TNS3: variants seen among roughly 807,000 people sequenced by gnomAD.
TNS3 encodes tensin 3.
In TNS3, 45 loss-of-function variants were observed where a neutral mutation model predicts 140.9. That is an observed-to-expected ratio of 0.32 (90% CI 0.25 to 0.41). The LOEUF (loss-of-function observed/expected upper bound fraction) is 0.41, where lower values mean the gene tolerates loss of function less well. Among genes scored for constraint, TNS3 ranks in the 10% least tolerant of loss-of-function variants. The pLI, the probability that TNS3 is intolerant of heterozygous loss-of-function variation, is 1.00. For synonymous variants in TNS3, 815 were observed against 788.4 expected, an observed-to-expected ratio of 1.03 and a Z score of -0.56; for missense variants, 1,716 against 1,906.7, an observed-to-expected ratio of 0.90 and a Z score of 1.86.
chr7:47,368,816 C>G lies in TNS3; in HGVS notation c.1830G>C (p.Arg610=), dbSNP rs767099289. 25 of 1,611,524 alleles carry G rather than the reference C, an allele frequency of 1.6e-5. No individual in the cohort carries two copies. The highest frequency in any genetic ancestry group is 2.1e-5 in the Non-Finnish European group (25 of 1,179,260). Residue 610 remains arginine, a synonymous_variant, in exon 17 of 31, where the codon CGG becomes CGC. Transcript: ENST00000311160. ...QYSFAPDGEA[R]LVSRCPADNP... ...TGTCTGCAGGGCAGCGGCTCACCAG[C>G]CGGGCCTCCCCATCTGGGGCGAAGC... is the stretch of plus-strand genomic sequence containing the variant.
At chr7:47,561,690 A>C (rs181639479) in intron 1 of TNS3, among the ~76,000 whole-genome samples, 1 of 152,316 alleles carries the variant, frequency 6.6e-6, no homozygotes. Context: ...TTTTAGAATG[A>C]AAAACATGGC....
intron 16 of TNS3, among the ~76,000 whole-genome samples, chr7:47,392,058 C>A (rs1262839824): frequency 6.6e-6 from 1 of 152,220 alleles, no homozygotes; most frequent in Non-Finnish European, 1.5e-5. Context: ...AATGGGCTCA[C>A]AGGCTCTCTC....
chr7:47,283,661 C>T (rs920443182), intron 28 of TNS3, 36 bp downstream of exon 28: 5 of 1,508,696 alleles, frequency 3.3e-6, no homozygotes, highest in Admixed American at 4.4e-5. Context: ...AGCCCCGCCC[C>T]TGCTGGACGG....
chr7:47,286,432 A>T (rs1246113502), intron 27 of TNS3, among the ~76,000 whole-genome samples: 1 of 152,224 alleles, frequency 6.6e-6, no homozygotes, highest in Non-Finnish European at 1.5e-5. Flanking sequence ...TCTCCAGCAG[A>T]GAACAGGCAT....
Position 47,303,592 on chromosome 7 carries a change from A to G in TNS3, c.2823-8T>C. The G allele has an allele frequency of 6.3e-7, 1 of 1,580,624 alleles. No individual in the cohort carries two copies. The highest frequency in any genetic ancestry group is 8.6e-7 in the Non-Finnish European group (1 of 1,169,440). On this transcript the variant is annotated splice_polypyrimidine_tract_variant and splice_region_variant and intron_variant, in intron 21 of 30. Coordinates refer to ENST00000311160, the MANE Select transcript of TNS3 (RefSeq NM_022748.12). The stretch of plus-strand genomic sequence containing the variant: ...CGTTCTGCAGAAGAGGAGCTGTTCA[A>G]AAGACAAGCCGACCAAGACAGCATG...
chr7:47,351,165 A>G (rs1331837675), intron 17 of TNS3, among the ~76,000 whole-genome samples: 1 of 152,146 alleles, frequency 6.6e-6, no homozygotes, highest in African/African-American at 2.4e-5. Flanking sequence ...GCTGTACTGA[A>G]TTTCCCTAAA....
intron 13 of TNS3, among the ~76,000 whole-genome samples, chr7:47,404,033 C>T (rs565207821): frequency 5.2e-4 from 79 of 152,324 alleles, no homozygotes; most frequent in Non-Finnish European, 8.7e-4. Context: ...TGGGTCTCCC[C>T]AGAGTGTTTC....
intron 12 of TNS3, among the ~76,000 whole-genome samples, chr7:47,413,494 C>T (rs903844714): frequency 6.6e-5 from 10 of 151,686 alleles, no homozygotes; most frequent in Admixed American, 5.9e-4. Context: ...AATCCTGGCA[C>T]TTTGGGAGGC....
intron 22 of TNS3, among the ~76,000 whole-genome samples, chr7:47,302,537 G>A (rs1287514101): frequency 6.6e-6 from 1 of 152,224 alleles, no homozygotes; most frequent in East Asian, 1.9e-4. Context: ...AGGAAAGAGA[G>A]GGTAAGGTTG....
At chr7:47,481,175 G>C (rs1797402358) in intron 3 of TNS3, 34 bp from the exon 4 acceptor site, 15 of 1,287,554 alleles carry the variant, frequency 1.2e-5, no homozygotes, top group Non-Finnish European at 1.5e-5. Flanking sequence ...TAAGCAAATG[G>C]ATTCTCCAGG....
At chr7:47,555,584 TATC>T (rs1800175231) in intron 1 of TNS3, among the ~76,000 whole-genome samples, 1 of 152,160 alleles carries the variant, frequency 6.6e-6, no homozygotes, top group African/African-American at 2.4e-5. Flanking sequence ...TGGCAAACTT[TATC>T]ATCGTCTTAT....
intron 10 of TNS3, among the ~76,000 whole-genome samples, chr7:47,416,521 C>A (rs998138085): frequency 7.9e-5 from 12 of 152,102 alleles, no homozygotes; most frequent in African/African-American, 2.7e-4. Context: ...AGAAACAGGG[C>A]ATGTCAGTAT....
intron 8 of TNS3, among the ~76,000 whole-genome samples, chr7:47,433,523 T>G (rs1387484398): frequency 6.6e-6 from 1 of 152,234 alleles, no homozygotes; most frequent in Non-Finnish European, 1.5e-5. Flanking sequence ...AGGACCCATA[T>G]GTTTTAAATA....
intron 27 of TNS3, among the ~76,000 whole-genome samples, chr7:47,291,388 T>A (rs1315559040): frequency 6.6e-6 from 1 of 152,178 alleles, no homozygotes; most frequent in Non-Finnish European, 1.5e-5. Context: ...AACATGTGCA[T>A]CACTTTGCTG....
chr7:47,419,294 G>A (rs1265144865), intron 10 of TNS3, among the ~76,000 whole-genome samples: 2 of 152,360 alleles, frequency 1.3e-5, no homozygotes, highest in East Asian at 3.9e-4. Context: ...GTGGCTCCCT[G>A]AGGAATGGTC....
chr7:47,401,496 T>C (rs767492617), intron 13 of TNS3, among the ~76,000 whole-genome samples: 12 of 152,156 alleles, frequency 7.9e-5, no homozygotes, highest in Admixed American at 1.3e-4. Flanking sequence ...AGAGAGGGTG[T>C]TGGCATTTAG....
intron 17 of TNS3, among the ~76,000 whole-genome samples, chr7:47,366,063 T>C (rs924007557): frequency 6.6e-5 from 10 of 152,332 alleles, no homozygotes; most frequent in African/African-American, 2.4e-4. Context: ...GAGATTGTTA[T>C]CCAGGAGAAA....
chr7:47,409,572 CT>C (rs1793646206), intron 13 of TNS3, among the ~76,000 whole-genome samples: 2 of 152,196 alleles, frequency 1.3e-5, no homozygotes, highest in Admixed American at 1.3e-4. Context: ...GAGATGCTGC[CT>C]CCCAGGGCAG....
intron 4 of TNS3, among the ~76,000 whole-genome samples, chr7:47,461,096 C>T (rs1215920982): frequency 6.6e-5 from 10 of 152,142 alleles, no homozygotes; most frequent in African/African-American, 9.7e-5. Context: ...AGCATATTCC[C>T]GCCTTTGGGA....
Sources: gnomAD v4.1 joint callset for allele counts (sites outside exome capture counted in the v4.1 genomes callset) on GRCh38, gnomAD v4.1.1 for gene constraint, MANE v1.5 for transcripts, NCBI Gene and HGNC (gene_info 2026-07-23, HGNC 2026-07-21) for gene names.